FHIT: variants seen among roughly 807,000 people sequenced by gnomAD.
The protein encoded by FHIT is fragile histidine triad diadenosine triphosphatase, also known as bis(5'-adenosyl)-triphosphatase.
In FHIT, 19 loss-of-function variants were observed where a neutral mutation model predicts 17.9. That is an observed-to-expected ratio of 1.06 (90% CI 0.74 to 1.56). The LOEUF is 1.56. Among genes scored for constraint, FHIT ranks in the 40% most tolerant of loss-of-function variants. The pLI, the probability that FHIT is intolerant of heterozygous loss-of-function variation, is 0.00. For synonymous variants in FHIT, 81 were observed against 69.7 expected, an observed-to-expected ratio of 1.16 and a Z score of -0.81; for missense variants, 248 against 189.2, an observed-to-expected ratio of 1.31 and a Z score of -1.82.
intron 3 of FHIT, among the ~76,000 whole-genome samples, chr3:60,996,804 A>G (rs1486320343): frequency 6.6e-6 from 1 of 152,264 alleles, no homozygotes; most frequent in Admixed American, 6.5e-5. Context: ...ATTTTCACAC[A>G]CCACTATGCC....
chr3:60,194,347 T>A (rs1380409765), intron 5 of FHIT, among the ~76,000 whole-genome samples: 1 of 152,200 alleles, frequency 6.6e-6, no homozygotes, highest in Non-Finnish European at 1.5e-5. Flanking sequence ...AAGGACACTC[T>A]ATTTAATAAA....
chr3:60,165,215 C>G lies in FHIT; in HGVS notation c.104-151063G>C, dbSNP rs577921800. Among the ~76,000 whole-genome samples, 17 of 152,300 alleles carry G rather than the reference C, an allele frequency of 1.1e-4. No individual in the cohort carries two copies. In the South Asian group the frequency reaches 1.7e-3, roughly 15 times the overall value. On this transcript the variant is annotated intron_variant, in intron 5 of 9. Transcript: ENST00000492590. ...AAGCTGCTGATGCTACTCCCTGGCT[C>G]TAGGTCCACCACACGCAGAGTAGAT...
chr3:60,759,832 A>T (rs2108050359), intron 4 of FHIT, among the ~76,000 whole-genome samples: 1 of 152,310 alleles, frequency 6.6e-6, no homozygotes, highest in East Asian at 1.9e-4. Context: ...ATGTGCAGGC[A>T]ACTCCTCTGA....
chr3:60,346,000 C>T (rs1330193060), intron 5 of FHIT, among the ~76,000 whole-genome samples: 2 of 152,186 alleles, frequency 1.3e-5, no homozygotes, highest in African/African-American at 2.4e-5. Context: ...CTCTGCAAAG[C>T]TTGGTCTTAT....
At chr3:60,021,129 A>T (rs1295572084) in intron 5 of FHIT, among the ~76,000 whole-genome samples, 1 of 152,200 alleles carries the variant, frequency 6.6e-6, no homozygotes, top group African/African-American at 2.4e-5. Flanking sequence ...TAAGATAATG[A>T]TAACACTCTG....
At chr3:59,998,879 C>G (rs1699621096) in intron 7 of FHIT, among the ~76,000 whole-genome samples, 1 of 152,158 alleles carries the variant, frequency 6.6e-6, no homozygotes, top group Non-Finnish European at 1.5e-5. Flanking sequence ...CGCAATTAGA[C>G]TGCACGGCAA....
intron 8 of FHIT, among the ~76,000 whole-genome samples, chr3:59,808,385 T>C (rs1700284887): frequency 6.6e-6 from 1 of 152,158 alleles, no homozygotes; most frequent in Admixed American, 6.5e-5. Flanking sequence ...TCAGGGCTTT[T>C]CTGACCTGGA....
intron 5 of FHIT, among the ~76,000 whole-genome samples, chr3:60,324,816 A>C (rs1709609282): frequency 6.6e-6 from 1 of 152,134 alleles, no homozygotes; most frequent in Non-Finnish European, 1.5e-5. Flanking sequence ...TTGGCTGATG[A>C]TATACCTTGG....
At chr3:59,876,453 A>C (rs1430754957) in intron 8 of FHIT, among the ~76,000 whole-genome samples, 1 of 8,138 alleles carries the variant, frequency 1.2e-4, no homozygotes, top group African/African-American at 1.9e-4. Flanking sequence ...GTGTGGGAGC[A>C]GCACCCCTCC....
intron 5 of FHIT, among the ~76,000 whole-genome samples, chr3:60,162,970 C>G (rs1701005027): frequency 6.6e-6 from 1 of 152,138 alleles, no homozygotes; most frequent in Non-Finnish European, 1.5e-5. Flanking sequence ...ACAGAGCACC[C>G]CTGTTTGAGG....
intron 8 of FHIT, among the ~76,000 whole-genome samples, chr3:59,759,598 C>T (rs1028740279): frequency 2.6e-5 from 4 of 152,216 alleles, no homozygotes; most frequent in Non-Finnish European, 5.9e-5. Context: ...CATTCTGCCT[C>T]TCTTCTATCA....
At chr3:61,210,287 C>T (rs1299595540) in intron 1 of FHIT, among the ~76,000 whole-genome samples, 1 of 152,224 alleles carries the variant, frequency 6.6e-6, no homozygotes, top group Non-Finnish European at 1.5e-5. Flanking sequence ...TGCCCATTCT[C>T]AGATCTCAAG....
chr3:60,756,807 G>A (rs1177168523), intron 4 of FHIT, among the ~76,000 whole-genome samples: 2 of 152,154 alleles, frequency 1.3e-5, no homozygotes, highest in Non-Finnish European at 2.9e-5. Flanking sequence ...GCCAATTAGT[G>A]GCTTAACTGG....
chr3:59,812,617 G>A (rs1258959893), intron 8 of FHIT, among the ~76,000 whole-genome samples: 2 of 152,138 alleles, frequency 1.3e-5, no homozygotes, highest in Admixed American at 1.3e-4. Flanking sequence ...GAAAATGCAC[G>A]CACATTAATT....
rs572792570 is a variant in FHIT, at chr3:60,887,594, C to T, written c.-110-65583G>A. On this transcript the variant is annotated intron_variant, in intron 3 of 9. Coordinates refer to ENST00000492590, the MANE Select transcript of FHIT (RefSeq NM_002012.4). ...CCAGGAGGCAGAGGTTGCAGTGAGC[C>T]GAGACTGTGCCACTGCACTCCAGCC... 1.8e-3 allele frequency among the ~76,000 whole-genome samples: 272 copies of T among 152,038 alleles called. 2 individuals are homozygous for T. Among genetic ancestry groups the T allele is most frequent in the African/African-American group, 6.4e-3 (267 of 41,474 alleles).
chr3:60,045,626 C>A (rs1202956994), intron 5 of FHIT, among the ~76,000 whole-genome samples: 1 of 152,102 alleles, frequency 6.6e-6, no homozygotes, highest in South Asian at 2.1e-4. Flanking sequence ...AAAAAGAATT[C>A]TCTCCCCTTC....
chr3:60,804,992 A>C (rs1701332585), intron 4 of FHIT, among the ~76,000 whole-genome samples: 1 of 152,230 alleles, frequency 6.6e-6, no homozygotes, highest in South Asian at 2.1e-4. Context: ...ATAATCCACG[A>C]GTAACTAGCA....
intron 5 of FHIT, among the ~76,000 whole-genome samples, chr3:60,321,647 T>A (rs1035969690): frequency 3.3e-5 from 5 of 152,256 alleles, no homozygotes; most frequent in African/African-American, 9.6e-5. Flanking sequence ...TCTCTCTGTA[T>A]ATATTTAAAA....
At chr3:59,818,940 C>T (rs148133967) in intron 8 of FHIT, among the ~76,000 whole-genome samples, 46 of 152,302 alleles carry the variant, frequency 3.0e-4, no homozygotes, top group African/African-American at 1.1e-3. Context: ...TTATTTTTTG[C>T]AATGACTACT....
Sources: gnomAD v4.1 joint callset for allele counts (sites outside exome capture counted in the v4.1 genomes callset) on GRCh38, gnomAD v4.1.1 for gene constraint, MANE v1.5 for transcripts, NCBI Gene and HGNC (gene_info 2026-07-23, HGNC 2026-07-21) for gene names.